ADGRE2: variants seen among roughly 807,000 people sequenced by gnomAD.
The protein encoded by ADGRE2 is CD97 antigen.
In ADGRE2, 83 loss-of-function variants were observed where a neutral mutation model predicts 100.8. That is an observed-to-expected ratio of 0.82 (90% confidence interval 0.69 to 0.99). ADGRE2 has a LOEUF of 0.99. Among genes scored for constraint, ADGRE2 ranks in the 50% least tolerant of loss-of-function variants. ADGRE2 has a pLI of 0.00. For synonymous variants in ADGRE2, 355 were observed against 413.0 expected (o/e 0.86, Z 1.70); for missense variants, 814 against 1,035.7 (o/e 0.79, Z 2.94).
intron 12 of ADGRE2, 137 bp downstream of exon 12, chr19:14,756,101 G>T: frequency 1.3e-6 from 1 of 790,906 alleles, no homozygotes; most frequent in Non-Finnish European, 2.1e-6. Flanking sequence ...TTCCTCCTCA[G>T]CTGGACTCTC....
chr19:14,754,433 C>A (rs1393063534), intron 14 of ADGRE2, among the ~76,000 whole-genome samples: 1 of 123,144 alleles, frequency 8.1e-6, no homozygotes, highest in Non-Finnish European at 1.7e-5. Context: ...TATAAGCAGG[C>A]AGAAATTATC....
Position 14,752,425 on chromosome 19 carries a change from G to T in ADGRE2, c.1692C>A (p.Ile564=). ...AALTFLLCKA[I]QNTSTSLHLQ... ...GATGCAGTGAGGTGCTGGTGTTCTG[G>T]ATGGCTTTACACAGGAGAAAAGTGA... Residue 564 remains isoleucine (I), a synonymous_variant, in exon 15 of 21, where the codon ATC becomes ATA. Transcript: ENST00000315576. 6.2e-7 allele frequency: 1 copy of T among 1,613,340 alleles called. No individual in the cohort carries two copies. The highest frequency in any genetic ancestry group is 1.3e-5 in the African/African-American group (1 of 74,966).
Position 14,770,045 on chromosome 19 carries a change from A to G in ADGRE2, c.355+2297T>C, listed in dbSNP as rs532864917. 4.5e-4 allele frequency among the ~76,000 whole-genome samples: 69 copies of G among 152,300 alleles called. 1 individual carries two copies. In the South Asian group the frequency reaches 0.014, roughly 31 times the overall value. ...GGCAACACACCTCCTCAATAATTAC[A>G]AACACCACCTGTGCATGCGGTGATA... On this transcript the variant is annotated intron_variant, in intron 5 of 20. Transcript: ENST00000315576.
chr19:14,774,040 A>G lies in ADGRE2; in HGVS notation c.97T>C (p.Cys33Arg), dbSNP rs149725020. The change falls in exon 4 of 21, where the codon TGC becomes CGC. Residue 33 changes from cysteine (C) to arginine (R), a missense_variant. This residue lies in a region of ADGRE2 where 143 missense variants were observed against 160.3 expected (regional missense o/e 0.89). Coordinates refer to ENST00000315576, the MANE Select transcript of ADGRE2 (RefSeq NM_013447.4). ...TTGACACACGAGGAGTCCTGAGGGC[A>G]CCACCGGGCACAGCCTGCAAGAGCA... ...TQDSRGCARWCPQDSSCVNAT... is the reference protein window; with the variant it reads ...TQDSRGCARWRPQDSSCVNAT... 1.2e-6 allele frequency: 2 copies of G among 1,613,966 alleles called. No individual in the cohort carries two copies. Among genetic ancestry groups the G allele is most frequent in the African/African-American group, 2.7e-5 (2 of 74,978 alleles).
At chr19:14,754,439 T>TTGTC (rs1269462238) in intron 14 of ADGRE2, among the ~76,000 whole-genome samples, 1 of 126,248 alleles carries the variant, frequency 7.9e-6, no homozygotes, top group Non-Finnish European at 1.7e-5. Flanking sequence ...CAGGCAGAAA[T>TTGTC]TATCTATCTA....
chr19:14,766,902 G>C lies in ADGRE2; in HGVS notation c.487+76C>G, dbSNP rs868559286. Reference sequence around the variant, plus strand: ...CCTGCGGATCTTCTCCCTCCTCCTCGGCTGCTTTGGAGGACCTGACTCAGC... The same window carrying C: ...CCTGCGGATCTTCTCCCTCCTCCTCCGCTGCTTTGGAGGACCTGACTCAGC... On this transcript the variant is annotated intron_variant, in intron 6 of 20. Coordinates refer to ENST00000315576, the MANE Select transcript of ADGRE2 (RefSeq NM_013447.4). 99 of 1,534,004 alleles carry C rather than the reference G, an allele frequency of 6.5e-5. No individual in the cohort carries two copies. In the Middle Eastern group the frequency reaches 2.3e-3, roughly 35 times the overall value.
At chr19:14,730,425 G>GTCCT (rs549106825), downstream of ADGRE2, among the ~76,000 whole-genome samples, 4 of 93,038 alleles carry the variant, frequency 4.3e-5, no homozygotes, top group East Asian at 1.3e-3. Flanking sequence ...CCATCAGTCT[G>GTCCT]TCCTTCCTTC....
At chr19:14,724,720 C>G in the ADGRE2 span, among the ~76,000 whole-genome samples, 1 of 118,154 alleles carries the variant, frequency 8.5e-6, no homozygotes, top group Admixed American at 7.8e-5. Context: ...GAGCCGACAT[C>G]ATGCCATTGC....
chr19:14,766,300 C>T lies in ADGRE2; in HGVS notation c.569G>A (p.Arg190His), dbSNP rs559308272. The T allele has an allele frequency of 3.1e-5, 50 of 1,614,066 alleles. No individual in the cohort carries two copies. Among genetic ancestry groups the T allele is most frequent in the East Asian group, 1.8e-4 (8 of 44,858 alleles). The change falls in exon 7 of 21, where the codon CGC becomes CAC. Residue 190 changes from arginine (R) to histidine (H), a missense_variant. Around this residue, in one of 5 missense-constraint regions of ADGRE2, gnomAD observed 69 missense variants for 75.3 expected, o/e 0.92. Transcript: ENST00000315576. Reference protein sequence around the residue: ...CLNNVGSYQCRCRPGWQPIPG... With the variant: ...CLNNVGSYQCHCRPGWQPIPG... The stretch of plus-strand genomic sequence containing the variant: ...AATCGGTTGCCAGCCCGGGCGGCAG[C>T]GGCACTGATAGCTGCCCACGTTGTT...
At chr19:14,750,678 C>T (rs929222587) in intron 16 of ADGRE2, among the ~76,000 whole-genome samples, 2 of 152,108 alleles carry the variant, frequency 1.3e-5, no homozygotes, top group African/African-American at 4.8e-5. Context: ...ATCAGGTCTA[C>T]TTTTTCAAAT....
chr19:14,755,237 C>T, intron 13 of ADGRE2, 110 bp from the exon 14 acceptor site: 1 of 1,009,426 alleles, frequency 9.9e-7, no homozygotes, highest in Non-Finnish European at 1.4e-6. Context: ...AGTTTGAGAC[C>T]AGCCTGGCCA....
chr19:14,749,327 ATATAAT>A (rs1330777356), intron 16 of ADGRE2, among the ~76,000 whole-genome samples: 4 of 109,878 alleles, frequency 3.6e-5, no homozygotes, highest in Non-Finnish European at 6.7e-5. Flanking sequence ...TACATATATA[ATATAAT>A]TATAATGATA....
At chr19:14,744,263 T>C (rs1402872397) in intron 18 of ADGRE2, among the ~76,000 whole-genome samples, 1 of 150,768 alleles carries the variant, frequency 6.6e-6, no homozygotes, top group African/African-American at 2.4e-5. Flanking sequence ...AAAAAAGGAT[T>C]ATTTTTGAAT....
At chr19:14,758,680 C>G (rs1004824274) in intron 11 of ADGRE2, among the ~76,000 whole-genome samples, 3 of 151,954 alleles carry the variant, frequency 2.0e-5, no homozygotes, top group East Asian at 1.9e-4. Context: ...GTCAGGAGAT[C>G]GAGACCAACC....
intron 14 of ADGRE2, among the ~76,000 whole-genome samples, chr19:14,754,455 C>CTATA (rs1396370536): frequency 2.2e-4 from 32 of 144,808 alleles, no homozygotes; most frequent in African/African-American, 8.2e-4. Flanking sequence ...ATCTATCTAT[C>CTATA]TATCTATCTA....
intron 11 of ADGRE2, among the ~76,000 whole-genome samples, chr19:14,763,604 TCTC>T (rs915436892): frequency 1.5e-4 from 22 of 146,638 alleles, no homozygotes; most frequent in African/African-American, 4.3e-4. Flanking sequence ...CCTCTACTCC[TCTC>T]CTCCTCCTCC....
Position 14,735,050 on chromosome 19 carries a change from G to A in ADGRE2, c.*1186C>T, listed in dbSNP as rs2042723842. 2 of 152,204 alleles carry A rather than the reference G, an allele frequency of 1.3e-5. No homozygotes were observed. The highest frequency in any genetic ancestry group is 2.9e-5 in the Non-Finnish European group (2 of 68,028). The allele number at this position is 152,204 out of a possible 1,614,324, so 9.4% of individuals were successfully genotyped here. A position where few individuals can be genotyped will look rare whatever the true frequency, so the allele number is the denominator to read the frequency against. On this transcript the variant is annotated 3_prime_UTR_variant, in exon 21 of 21. Transcript: ENST00000315576. ...TAGGTAGCTTTTTCCTATTGGCACA[G>A]CTGCCGGCATTCACCCGTGGAAGCT...
the ADGRE2 span, among the ~76,000 whole-genome samples, chr19:14,727,243 T>G: frequency 6.6e-6 from 1 of 152,154 alleles, no homozygotes; most frequent in South Asian, 2.1e-4. Flanking sequence ...CTAGCCAGGA[T>G]GGTCTCGATC....
chr19:14,776,080 A>T (rs12980660), intron 2 of ADGRE2, among the ~76,000 whole-genome samples: 1 of 151,438 alleles, frequency 6.6e-6, no homozygotes, highest in Non-Finnish European at 1.5e-5. Flanking sequence ...GGTTCCCAGC[A>T]CTCAGGAAGT....
Sources: gnomAD v4.1 joint callset for allele counts (sites outside exome capture counted in the v4.1 genomes callset) on GRCh38, gnomAD v4.1.1 for gene constraint, gnomAD v4.1.1 regional missense constraint, MANE v1.5 for transcripts, NCBI Gene and HGNC (gene_info 2026-07-23, HGNC 2026-07-21) for gene names.